Variants in ANO3 observed in about 807,000 individuals in gnomAD.
ANO3 encodes the protein anoctamin 3, also known as anoctamin-3.
A neutral mutation model predicts 144.8 loss-of-function variants in ANO3; 99 were observed. That is an observed-to-expected ratio of 0.68 (90% confidence interval 0.58 to 0.81). The LOEUF (loss-of-function observed/expected upper bound fraction) is 0.81, where lower values mean the gene tolerates loss of function less well. Ranked by LOEUF, ANO3 falls within the 30% of genes least tolerant of loss-of-function variation. ANO3 has a pLI of 0.00. For missense variants in ANO3, 905 were observed against 1,202.2 expected (o/e 0.75, Z 3.66); for synonymous variants, 414 against 392.6 (o/e 1.05, Z -0.64).
At chr11:26,449,651 G>A (rs551152305) in intron 3 of ANO3, among the ~76,000 whole-genome samples, 2 of 152,126 alleles carry the variant, frequency 1.3e-5, no homozygotes, top group South Asian at 2.1e-4. Context: ...CTGAGGACCT[G>A]ATCTAAATAT....
chr11:26,300,890 G>A (rs1590244482), intron 1 of ANO3, among the ~76,000 whole-genome samples: 2 of 118,468 alleles, frequency 1.7e-5, no homozygotes, highest in South Asian at 5.1e-4. Flanking sequence ...GTCTCACTCT[G>A]TTGCCCAGGC....
chr11:26,390,395 C>T (rs1461379), intron 1 of ANO3, among the ~76,000 whole-genome samples: 46,158 of 151,832 alleles, frequency 0.3, 7,218 homozygotes, highest in Middle Eastern at 0.36. Context: ...TGCCCTTCTT[C>T]TCTTCTCCTC....
chr11:26,295,333 A>G (rs940431108), intron 1 of ANO3, among the ~76,000 whole-genome samples: 2 of 151,916 alleles, frequency 1.3e-5, no homozygotes, highest in East Asian at 1.9e-4. Context: ...CCTGGCTAAC[A>G]CGGTAAAACC....
intron 1 of ANO3, among the ~76,000 whole-genome samples, chr11:26,342,307 A>G (rs1410446370): frequency 6.6e-6 from 1 of 152,200 alleles, no homozygotes; most frequent in African/African-American, 2.4e-5. Context: ...TTCGTGTTGA[A>G]ACTTAACAAA....
At chr11:26,399,864 T>G (rs912985549) in intron 1 of ANO3, among the ~76,000 whole-genome samples, 3 of 152,088 alleles carry the variant, frequency 2.0e-5, no homozygotes, top group African/African-American at 4.8e-5. Flanking sequence ...CTTCACGGTA[T>G]AGACTGCCTT....
intron 1 of ANO3, among the ~76,000 whole-genome samples, chr11:26,303,219 T>G (rs1429640572): frequency 6.6e-6 from 1 of 152,138 alleles, no homozygotes; most frequent in Non-Finnish European, 1.5e-5. Context: ...AATAAATCGT[T>G]CTGCCAAAAA....
intron 14 of ANO3, among the ~76,000 whole-genome samples, chr11:26,586,501 A>ATTTTTTTTTTTTTTTTTTTT (rs1281089936): frequency 2.0e-4 from 8 of 40,012 alleles, no homozygotes; most frequent in African/African-American, 4.5e-4. Context: ...CCTGGTGAGA[A>ATTTTTTTTTTTTTTTTTTTT]TCTTTTTTTT....
intron 1 of ANO3, among the ~76,000 whole-genome samples, chr11:26,247,618 A>T (rs1375305288): frequency 2.6e-5 from 4 of 151,402 alleles, no homozygotes; most frequent in Non-Finnish European, 4.4e-5. Flanking sequence ...TTACTGCTGG[A>T]GTCTTTTTCA....
upstream of ANO3, among the ~76,000 whole-genome samples, chr11:26,306,824 T>C (rs888309529): frequency 6.6e-6 from 1 of 152,232 alleles, no homozygotes; most frequent in African/African-American, 2.4e-5. Flanking sequence ...TGAAATATTA[T>C]GAAATATGAT....
intron 1 of ANO3, among the ~76,000 whole-genome samples, chr11:26,365,210 G>A (rs1856034244): frequency 6.6e-6 from 1 of 152,232 alleles, no homozygotes; most frequent in Non-Finnish European, 1.5e-5. Flanking sequence ...GCATGCTGAT[G>A]CAGGGGCTGG....
intron 1 of ANO3, among the ~76,000 whole-genome samples, chr11:26,385,908 T>TATATATATATATATATATATACAC (rs1310559300): frequency 3.3e-5 from 5 of 149,372 alleles, no homozygotes; most frequent in African/African-American, 7.6e-5. Context: ...TATATTTATA[T>TATATATATATATATATATATACAC]ACATATTTAC....
At chr11:26,250,161 T>C (rs1244387599) in intron 1 of ANO3, among the ~76,000 whole-genome samples, 2 of 152,230 alleles carry the variant, frequency 1.3e-5, no homozygotes, top group Non-Finnish European at 2.9e-5. Flanking sequence ...CTGTCTCTAC[T>C]ACTTGCTTTG....
intron 4 of ANO3, among the ~76,000 whole-genome samples, chr11:26,506,562 A>G (rs900285170): frequency 2.6e-5 from 4 of 152,360 alleles, no homozygotes; most frequent in Admixed American, 1.3e-4. Context: ...TAGTCACTTT[A>G]TAATCCTTTC....
chr11:26,450,918 T>C (rs1157274985), intron 3 of ANO3, among the ~76,000 whole-genome samples: 1 of 152,198 alleles, frequency 6.6e-6, no homozygotes. Context: ...CTCCCAGAGA[T>C]AGCTGTAAGG....
At chr11:26,426,123 G>T (rs1246932073) in intron 1 of ANO3, among the ~76,000 whole-genome samples, 1 of 151,984 alleles carries the variant, frequency 6.6e-6, no homozygotes, top group Non-Finnish European at 1.5e-5. Flanking sequence ...CTGTAAATGG[G>T]TGCACTCAGT....
At chr11:26,252,015 C>T (rs1288614924) in intron 1 of ANO3, among the ~76,000 whole-genome samples, 1 of 152,066 alleles carries the variant, frequency 6.6e-6, no homozygotes, top group African/African-American at 2.4e-5. Flanking sequence ...TTCAAGTGTT[C>T]TTTAATGTTT....
At chr11:26,469,085 C>G (rs544612813) in intron 4 of ANO3, among the ~76,000 whole-genome samples, 1 of 151,880 alleles carries the variant, frequency 6.6e-6, no homozygotes, top group Non-Finnish European at 1.5e-5. Flanking sequence ...TTTTCAGAGT[C>G]TTTGTATTCT....
intron 1 of ANO3, among the ~76,000 whole-genome samples, chr11:26,401,412 T>C (rs1328337018): frequency 6.6e-6 from 1 of 152,072 alleles, no homozygotes; most frequent in Admixed American, 6.6e-5. Flanking sequence ...GTATCCGCTT[T>C]CCTGGTAGTT....
intron 1 of ANO3, among the ~76,000 whole-genome samples, chr11:26,378,746 A>G (rs1164546820): frequency 6.6e-6 from 1 of 152,212 alleles, no homozygotes; most frequent in Non-Finnish European, 1.5e-5. Context: ...ATTGTTTTGG[A>G]TGAGAGTCAA....
Sources: allele counts gnomAD v4.1 joint callset (sites outside exome capture counted in the v4.1 genomes callset), GRCh38; gene constraint gnomAD v4.1.1; transcripts MANE v1.5; gene names NCBI Gene and HGNC (gene_info 2026-07-23, HGNC 2026-07-21).